Variants in RNF144A observed in about 807,000 individuals in gnomAD.
RNF144A encodes the protein ring finger protein 144A.
In RNF144A, 11 loss-of-function variants were observed where a neutral mutation model predicts 38.7. That is an observed-to-expected ratio of 0.28 (90% confidence interval 0.18 to 0.47). The LOEUF (loss-of-function observed/expected upper bound fraction) is 0.47. Among genes scored for constraint, RNF144A ranks in the 20% least tolerant of loss-of-function variants. RNF144A has a pLI of 0.99. For synonymous variants in RNF144A, 149 were observed against 143.9 expected (o/e 1.04, Z -0.25); for missense variants, 316 against 377.2 (o/e 0.84, Z 1.34).
chr2:7,039,585 A>G (rs1672917473), intron 8 of RNF144A, 44 bp from the exon 9 acceptor site: 1 of 1,608,192 alleles, frequency 6.2e-7, no homozygotes, highest in Non-Finnish European at 8.5e-7. Flanking sequence ...TGGAACCTAC[A>G]GACCAGCCCT....
intron 3 of RNF144A, among the ~76,000 whole-genome samples, chr2:7,004,914 A>G (rs1670340385): frequency 6.6e-6 from 1 of 152,134 alleles, no homozygotes; most frequent in Non-Finnish European, 1.5e-5. Context: ...TGGCCCTCCA[A>G]AAAAAATGTT....
At chr2:7,055,882 T>G (rs1000518598) in intron 6 of RNF144A, among the ~76,000 whole-genome samples, 2 of 152,142 alleles carry the variant, frequency 1.3e-5, no homozygotes, top group Non-Finnish European at 2.9e-5. Flanking sequence ...GTGACTTACC[T>G]TGTCACTTGC....
rs569221691 is a variant in RNF144A, at chr2:7,037,941, G to A, written c.748-1688G>A. 3.9e-5 allele frequency among the ~76,000 whole-genome samples: 6 copies of A among 152,356 alleles called. No homozygotes were observed. In the South Asian group the frequency reaches 6.2e-4, roughly 16 times the overall value. On this transcript the variant is annotated intron_variant, in intron 8 of 8. Coordinates refer to ENST00000320892, the MANE Select transcript of RNF144A (RefSeq NM_014746.6). ...TAGGTGGCGGTCTAGCCCTGTCCTC[G>A]CTCTCATTTCTGCAGGCTGCCTGCC...
In RNF144A at chr2:6,917,610, C is replaced by G. The variant is rs1449413682; in HGVS notation, c.-224C>G. ...AGGCGTCAGAGCCGCGCACCGCGGA[C>G]GAGCAGGCCCAGGTAGAGTGACGCG... On this transcript the variant is annotated 5_prime_UTR_variant, in exon 1 of 9. Transcript: ENST00000320892. The surrounding 1 kb of genome is among the most constrained non-coding windows in gnomAD (Gnocchi z 4.8). 1 of 147,796 alleles carries G rather than the reference C, an allele frequency of 6.8e-6. No individual in the cohort carries two copies. The highest frequency in any genetic ancestry group is 2.4e-5 in the African/African-American group (1 of 41,022). 9.2% of individuals were successfully genotyped at this position (147,796 alleles called of 1,614,324 possible).
At chr2:7,048,821 G>A (rs374286104), downstream of RNF144A, among the ~76,000 whole-genome samples, 18 of 152,306 alleles carry the variant, frequency 1.2e-4, 1 homozygote, top group Middle Eastern at 3.4e-3. Flanking sequence ...TCAACCTTCT[G>A]GAAGAGATTC....
intron 1 of RNF144A, among the ~76,000 whole-genome samples, chr2:6,926,410 G>C (rs914578260): frequency 3.9e-5 from 6 of 152,232 alleles, no homozygotes; most frequent in Non-Finnish European, 5.9e-5. Context: ...TAACACATGC[G>C]AGAGAACTGC....
chr2:7,020,694 AC>A lies in RNF144A; in HGVS notation c.509+15del. 13 of 1,595,490 alleles carry A rather than the reference AC, an allele frequency of 8.1e-6. No individual in the cohort carries two copies. The highest frequency in any genetic ancestry group is 8.5e-6 in the Non-Finnish European group (10 of 1,175,390). On this transcript the variant is annotated intron_variant, in intron 6 of 8. Transcript: ENST00000320892. ...CGGGGAGACCAGGTACCCTTTGTAC[AC>A]AAGCTGCCACCAAAGGCATGGCTGT...
chr2:6,938,911 T>C (rs931525250), intron 1 of RNF144A, among the ~76,000 whole-genome samples: 10 of 152,206 alleles, frequency 6.6e-5, no homozygotes, highest in African/African-American at 2.4e-4. Context: ...CATGAATCAG[T>C]ACTGCATTCC....
chr2:7,031,153 C>T (rs76265257), intron 8 of RNF144A, among the ~76,000 whole-genome samples: 1 of 152,106 alleles, frequency 6.6e-6, no homozygotes, highest in Non-Finnish European at 1.5e-5. Context: ...CAGACCGCTA[C>T]CCGTCCATGG....
intron 6 of RNF144A, among the ~76,000 whole-genome samples, chr2:7,053,079 G>A (rs1053833737): frequency 6.6e-6 from 1 of 152,178 alleles, no homozygotes; most frequent in African/African-American, 2.4e-5. Flanking sequence ...TGCAACTGGT[G>A]ATAAATTATT....
At chr2:6,919,164 G>A (rs563303007) in intron 1 of RNF144A, among the ~76,000 whole-genome samples, 5 of 152,300 alleles carry the variant, frequency 3.3e-5, no homozygotes, top group Admixed American at 6.5e-5. Context: ...AAGGGAGGGG[G>A]TGTCTGAGTC....
chr2:6,988,773 A>T (rs1279416815), intron 2 of RNF144A, among the ~76,000 whole-genome samples: 1 of 152,186 alleles, frequency 6.6e-6, no homozygotes, highest in Admixed American at 6.5e-5. Context: ...ATGAGGAGTT[A>T]GGCTCCACCT....
At chr2:6,971,947 T>A (rs1229068666) in intron 2 of RNF144A, among the ~76,000 whole-genome samples, 1 of 152,090 alleles carries the variant, frequency 6.6e-6, no homozygotes, top group Non-Finnish European at 1.5e-5. Context: ...TTCTTAATAG[T>A]TTGCAAAAAG....
downstream of RNF144A, chr2:7,068,411 G>A (rs1168709966): frequency 9.3e-6 from 4 of 430,080 alleles, no homozygotes; most frequent in Non-Finnish European, 1.7e-5. Context: ...ATAGAAGAAA[G>A]AAGAATCAAG....
At chr2:6,961,586 A>G (rs1193383210) in intron 2 of RNF144A, among the ~76,000 whole-genome samples, 1 of 152,192 alleles carries the variant, frequency 6.6e-6, no homozygotes, top group Non-Finnish European at 1.5e-5. Flanking sequence ...ATTTTATTTC[A>G]AGAGCAAGAG....
At chr2:6,992,075 G>C (rs771269) in intron 2 of RNF144A, among the ~76,000 whole-genome samples, 131,254 of 152,208 alleles carry the variant, frequency 0.86, 57,569 homozygotes, top group Non-Finnish European at 0.91. Flanking sequence ...CTTGTAGACA[G>C]GACAGCTGAG....
intron 2 of RNF144A, among the ~76,000 whole-genome samples, chr2:6,975,947 G>T (rs1204055133): frequency 6.6e-6 from 1 of 152,232 alleles, no homozygotes; most frequent in Non-Finnish European, 1.5e-5. Flanking sequence ...ACATTTTGCA[G>T]ATCTTTCCAT....
chr2:7,072,242 T>C (rs745643009), downstream of RNF144A, among the ~76,000 whole-genome samples: 1 of 152,246 alleles, frequency 6.6e-6, no homozygotes, highest in South Asian at 2.1e-4. Flanking sequence ...CAGGTGCTAC[T>C]AGTGAGGGCA....
intron 2 of RNF144A, among the ~76,000 whole-genome samples, chr2:6,966,765 C>G (rs886553782): frequency 6.6e-6 from 1 of 152,092 alleles, no homozygotes; most frequent in Non-Finnish European, 1.5e-5. Context: ...GTTCTGTGAA[C>G]AGGATAATTA....
Sources: allele counts gnomAD v4.1 joint callset (sites outside exome capture counted in the v4.1 genomes callset), GRCh38; gene constraint gnomAD v4.1.1; non-coding constraint Gnocchi (gnomAD v3.1); transcripts MANE v1.5; gene names NCBI Gene and HGNC (gene_info 2026-07-23, HGNC 2026-07-21).